Variants in RBFOX1 observed in about 807,000 individuals in gnomAD.
The protein encoded by RBFOX1 is RNA binding protein fox-1 homolog 1.
RBFOX1 carries 8 observed loss-of-function variants against 57.7 expected under a neutral mutation model. The ratio of observed to expected loss-of-function variants is 0.14; its 90% confidence interval spans 0.08 to 0.25. The LOEUF is 0.25. RBFOX1 is among the 10% of genes least tolerant of loss of function. RBFOX1 has a pLI of 1.00. For missense variants in RBFOX1, 611 were observed against 548.5 expected (o/e 1.11, Z -1.14); for synonymous variants, 326 against 222.4 (o/e 1.47, Z -4.15).
At chr16:6,133,260 C>T (rs1010883503) in intron 1 of RBFOX1, among the ~76,000 whole-genome samples, 4 of 152,150 alleles carry the variant, frequency 2.6e-5, no homozygotes, top group Non-Finnish European at 5.9e-5. Context: ...CACTGCCCTG[C>T]AGAGTTGATT....
chr16:5,645,118 G>A (rs977155220), intron 3 of RBFOX1, among the ~76,000 whole-genome samples: 1 of 151,722 alleles, frequency 6.6e-6, no homozygotes, highest in African/African-American at 2.4e-5. Context: ...GTGTGGTGAT[G>A]CATGCCCGTA....
At chr16:5,599,382 T>C in exon 3 of RBFOX1, 1 of 593,890 alleles carries the variant, frequency 1.7e-6, no homozygotes, top group South Asian at 2.1e-5. Flanking sequence ...TCTGGGGTCC[T>C]GCATCATGGC....
intron 4 of RBFOX1, among the ~76,000 whole-genome samples, chr16:7,214,706 G>A (rs190836415): frequency 2.0e-5 from 3 of 152,098 alleles, no homozygotes; most frequent in East Asian, 3.9e-4. Flanking sequence ...ACAGGCTACC[G>A]TATACTGCGC....
Position 7,394,557 on chromosome 16 carries a change from C to T in RBFOX1, c.28-123590C>T, listed in dbSNP as rs1341517151. 4.6e-5 allele frequency among the ~76,000 whole-genome samples: 7 copies of T among 152,216 alleles called. No individual in the cohort carries two copies. In the East Asian group the frequency reaches 1.4e-3, roughly 29 times the overall value. ...TGTACTTCCCATCTTCTTGCGTTTC[C>T]ATTTATCCATTCCTCTTGGGGTCCA... On this transcript the variant is annotated intron_variant, in intron 4 of 15. Transcript: ENST00000550418.
At chr16:6,096,979 T>C (rs1019861473) in intron 1 of RBFOX1, among the ~76,000 whole-genome samples, 1 of 152,126 alleles carries the variant, frequency 6.6e-6, no homozygotes, top group African/African-American at 2.4e-5. Flanking sequence ...CACCCAAATC[T>C]TATCTTGAAT....
intron 4 of RBFOX1, among the ~76,000 whole-genome samples, chr16:5,957,423 C>T (rs894896900): frequency 2.0e-5 from 3 of 152,118 alleles, no homozygotes; most frequent in Non-Finnish European, 2.9e-5. Flanking sequence ...CCATGTTGGT[C>T]ATGAACCCCT....
chr16:6,770,050 A>G (rs1353205053), intron 3 of RBFOX1, among the ~76,000 whole-genome samples: 1 of 152,166 alleles, frequency 6.6e-6, no homozygotes, highest in Non-Finnish European at 1.5e-5. Context: ...TTTAATGAGG[A>G]AAGAAATTAG....
chr16:5,585,585 C>A (rs2046803887), intron 2 of RBFOX1, among the ~76,000 whole-genome samples: 1 of 152,154 alleles, frequency 6.6e-6, no homozygotes, highest in South Asian at 2.1e-4. Flanking sequence ...TGTGTATGAG[C>A]TTCTGTGGTT....
chr16:6,998,751 T>C (rs1489899004), intron 3 of RBFOX1, among the ~76,000 whole-genome samples: 4 of 152,130 alleles, frequency 2.6e-5, no homozygotes, highest in Non-Finnish European at 5.9e-5. Flanking sequence ...CAGGCTCTCT[T>C]GAGAGAGTAG....
intron 3 of RBFOX1, among the ~76,000 whole-genome samples, chr16:6,924,292 C>G (rs1307869245): frequency 1.3e-5 from 2 of 152,116 alleles, no homozygotes; most frequent in Non-Finnish European, 2.9e-5. Context: ...AGCATCTGCT[C>G]TGCTTCTGGT....
chr16:5,335,754 C>T (rs1321305289), intron 1 of RBFOX1, among the ~76,000 whole-genome samples: 1 of 152,146 alleles, frequency 6.6e-6, no homozygotes, highest in Non-Finnish European at 1.5e-5. Context: ...ATGACTGTAT[C>T]TTCAGAAGCC....
At chr16:7,404,881 A>G (rs901972619) in intron 4 of RBFOX1, among the ~76,000 whole-genome samples, 4 of 152,144 alleles carry the variant, frequency 2.6e-5, no homozygotes, top group East Asian at 1.9e-4. Context: ...GCCGTTCAGG[A>G]TGGCGTTCCT....
chr16:6,262,685 A>G (rs549759236), intron 1 of RBFOX1, among the ~76,000 whole-genome samples: 1 of 152,222 alleles, frequency 6.6e-6, no homozygotes, highest in South Asian at 2.1e-4. Flanking sequence ...GAGGGCTGTG[A>G]TTTATTATTT....
chr16:6,545,328 A>T (rs1405090966), intron 2 of RBFOX1, among the ~76,000 whole-genome samples: 1 of 152,154 alleles, frequency 6.6e-6, no homozygotes, highest in African/African-American at 2.4e-5. Flanking sequence ...CAAACGTAAA[A>T]TAAAAACGGA....
intron 3 of RBFOX1, among the ~76,000 whole-genome samples, chr16:5,810,826 A>G (rs1385306499): frequency 6.6e-6 from 1 of 152,182 alleles, no homozygotes; most frequent in Non-Finnish European, 1.5e-5. Context: ...ACAAAATTCA[A>G]ATTGCCTCAA....
intron 1 of RBFOX1, among the ~76,000 whole-genome samples, chr16:6,129,754 A>T (rs1389503717): frequency 6.6e-6 from 1 of 152,064 alleles, no homozygotes; most frequent in Non-Finnish European, 1.5e-5. Flanking sequence ...GACGAAAAAA[A>T]AAAACCATAG....
chr16:7,035,387 T>C (rs567459507), intron 3 of RBFOX1, among the ~76,000 whole-genome samples: 3 of 152,334 alleles, frequency 2.0e-5, no homozygotes, highest in Admixed American at 6.5e-5. Flanking sequence ...GATCACGTTA[T>C]ACACTTAAAT....
intron 2 of RBFOX1, among the ~76,000 whole-genome samples, chr16:6,616,122 T>G (rs1182796091): frequency 2.0e-5 from 3 of 152,218 alleles, no homozygotes; most frequent in African/African-American, 4.8e-5. Context: ...GAATCTTTTA[T>G]AGGAAGTGTC....
At chr16:6,821,168 C>G (rs530816653) in intron 3 of RBFOX1, among the ~76,000 whole-genome samples, 25 of 152,284 alleles carry the variant, frequency 1.6e-4, no homozygotes, top group South Asian at 8.3e-4. Flanking sequence ...TTCATGATCT[C>G]TTTGCTGGAA....
Sources: allele counts gnomAD v4.1 joint callset (sites outside exome capture counted in the v4.1 genomes callset), GRCh38; gene constraint gnomAD v4.1.1; transcripts MANE v1.5; gene names NCBI Gene and HGNC (gene_info 2026-07-23, HGNC 2026-07-21).